FAM227A: variants seen among roughly 807,000 people sequenced by gnomAD.
FAM227A encodes the protein family with sequence similarity 227 member A.
FAM227A carries 80 observed loss-of-function variants against 74.7 expected under a neutral mutation model. The observed-to-expected ratio is 1.07, with a 90% confidence interval of 0.89 to 1.29. The LOEUF (loss-of-function observed/expected upper bound fraction) is 1.29. FAM227A is among the 50% of genes most tolerant of loss of function. FAM227A has a pLI of 0.00. For synonymous variants in FAM227A, 237 were observed against 241.8 expected (o/e 0.98, Z 0.19); for missense variants, 654 against 683.4 (o/e 0.96, Z 0.48).
intron 10 of FAM227A, 125 bp from the exon 11 acceptor site, chr22:38,620,416 T>C (rs2091662921): frequency 1.3e-5 from 9 of 706,238 alleles, no homozygotes; most frequent in Non-Finnish European, 1.9e-5. Flanking sequence ...GGTCTCTCTG[T>C]TGACTCCACC....
At chr22:38,605,448 C>A (rs1457175823) in intron 12 of FAM227A, 100 bp from the exon 13 acceptor site, 3 of 685,944 alleles carry the variant, frequency 4.4e-6, no homozygotes, top group African/African-American at 3.6e-5. Context: ...TGCCACCGCA[C>A]CCAGTTAAAT....
At chr22:38,651,238 C>T (rs1332953301) in intron 1 of FAM227A, among the ~76,000 whole-genome samples, 1 of 152,168 alleles carries the variant, frequency 6.6e-6, no homozygotes, top group Non-Finnish European at 1.5e-5. Flanking sequence ...GCCTCCTCTG[C>T]AAAGCCCAAG....
chr22:38,607,321 G>A, intron 12 of FAM227A, 68 bp downstream of exon 12: 1 of 1,244,414 alleles, frequency 8.0e-7, no homozygotes, highest in South Asian at 1.3e-5. Flanking sequence ...ACGAACCCAA[G>A]AAACCAGGGT....
chr22:38,636,314 G>T, intron 6 of FAM227A, 137 bp downstream of exon 6: 1 of 905,658 alleles, frequency 1.1e-6, no homozygotes, highest in Non-Finnish European at 1.6e-6. Context: ...TTGGGCTAGG[G>T]TTCCTAGCTC....
At chr22:38,598,344 T>C (rs993761345) in intron 14 of FAM227A, among the ~76,000 whole-genome samples, 12 of 152,194 alleles carry the variant, frequency 7.9e-5, no homozygotes, top group Admixed American at 2.0e-4. Flanking sequence ...GATAAAGATA[T>C]TGAGCTTGGA....
intron 11 of FAM227A, among the ~76,000 whole-genome samples, chr22:38,616,018 C>A (rs191127198): frequency 6.6e-6 from 1 of 152,064 alleles, no homozygotes; most frequent in Admixed American, 6.6e-5. Context: ...GGCGTATGGG[C>A]GGTATTTGAA....
intron 6 of FAM227A, among the ~76,000 whole-genome samples, chr22:38,631,269 A>G (rs1200174466): frequency 1.5e-5 from 2 of 132,270 alleles, no homozygotes; most frequent in Admixed American, 1.5e-4. Context: ...CACTATCCTA[A>G]GTGATCTAAC....
At chr22:38,611,646 C>T (rs943112685) in intron 11 of FAM227A, among the ~76,000 whole-genome samples, 2 of 152,096 alleles carry the variant, frequency 1.3e-5, no homozygotes, top group Non-Finnish European at 2.9e-5. Flanking sequence ...AGGTGCATCA[C>T]TTAGATGGAA....
intron 11 of FAM227A, among the ~76,000 whole-genome samples, chr22:38,619,417 G>C (rs1003673440): frequency 1.3e-5 from 2 of 152,118 alleles, no homozygotes; most frequent in African/African-American, 4.8e-5. Context: ...TCTGCCTCCC[G>C]GGTTCAAGCA....
At chr22:38,642,859 C>G (rs1430198709) in intron 3 of FAM227A, among the ~76,000 whole-genome samples, 1 of 152,054 alleles carries the variant, frequency 6.6e-6, no homozygotes, top group Non-Finnish European at 1.5e-5. Flanking sequence ...TCGTTTGAAC[C>G]CAGGAGGTGG....
At chr22:38,597,171 GAAC>G (rs1397952588) in intron 15 of FAM227A, 30 bp downstream of exon 15, 3 of 1,549,170 alleles carry the variant, frequency 1.9e-6, no homozygotes, top group Non-Finnish European at 2.6e-6. Context: ...GATAAGTGCG[GAAC>G]AACGGCATTC....
rs1004912902 is a variant in FAM227A, at chr22:38,579,204, A to G, written c.*6921T>C. 2.0e-5 allele frequency: 3 copies of G among 152,200 alleles called. No homozygotes were observed. Among genetic ancestry groups the G allele is most frequent in the Non-Finnish European group, 4.4e-5 (3 of 68,040 alleles). 9.4% of individuals were successfully genotyped at this position (152,200 alleles called of 1,614,324 possible). On this transcript the variant is annotated 3_prime_UTR_variant, in exon 17 of 17. Coordinates refer to ENST00000535113, the MANE Select transcript of FAM227A (RefSeq NM_001013647.2). The stretch of plus-strand genomic sequence containing the variant: ...GACATAGAGCACACTTCAGCCATTC[A>G]CTAGCTGTGTGGTCTTGGGAAAATT...
In FAM227A at chr22:38,605,265, A is replaced by G; in HGVS notation, c.1210T>C (p.Phe404Leu). 6.5e-7 allele frequency: 1 copy of G among 1,544,536 alleles called. No individual in the cohort carries two copies. Among genetic ancestry groups the G allele is most frequent in the Non-Finnish European group, 8.8e-7 (1 of 1,140,114 alleles). Residue 404 changes from phenylalanine (F) to leucine (L), a missense_variant, in exon 13 of 17, where the codon TTT becomes CTT. Transcript: ENST00000535113. ...AATCATGTGCTCACCTTTTTAGGAA[A>G]CATATTCTCACATTCTCTTGCTTCT... ...ISEARECENM[F>L]PKKSCAACKS...
chr22:38,597,064 C>G, intron 15 of FAM227A, 140 bp downstream of exon 15: 1 of 738,692 alleles, frequency 1.4e-6, no homozygotes, highest in Non-Finnish European at 2.2e-6. Flanking sequence ...AGTTTATAAT[C>G]TGACCACAAG....
intron 2 of FAM227A, among the ~76,000 whole-genome samples, chr22:38,646,248 CTTTTTTTTTTTTTT>C (rs1165890437): frequency 6.1e-5 from 5 of 82,396 alleles, no homozygotes; most frequent in South Asian, 9.0e-4. Context: ...TCCAGTATTT[CTTTTTTTTTTTTTT>C]TTTTTTTTTT....
intron 2 of FAM227A, among the ~76,000 whole-genome samples, chr22:38,648,105 T>C (rs2092269644): frequency 6.6e-6 from 1 of 152,018 alleles, no homozygotes; most frequent in Non-Finnish European, 1.5e-5. Flanking sequence ...AGAGGGTTAT[T>C]TACTGGACGA....
chr22:38,607,343 T>C, intron 12 of FAM227A, 46 bp downstream of exon 12: 1 of 1,418,476 alleles, frequency 7.0e-7, no homozygotes, highest in Non-Finnish European at 9.7e-7. Context: ...TTGGAGACAA[T>C]AACTAAGCCA....
At chr22:38,591,063 G>A (rs768409982) in intron 16 of FAM227A, among the ~76,000 whole-genome samples, 5 of 152,190 alleles carry the variant, frequency 3.3e-5, no homozygotes, top group African/African-American at 9.7e-5. Context: ...GATTACAGAC[G>A]TGAGCCACAG....
intron 14 of FAM227A, 72 bp downstream of exon 14, chr22:38,599,692 T>C: frequency 1.4e-6 from 2 of 1,423,320 alleles, no homozygotes; most frequent in Non-Finnish European, 1.9e-6. Context: ...TGCCATTCCC[T>C]GACCTTTGCT....
Sources: allele counts gnomAD v4.1 joint callset (sites outside exome capture counted in the v4.1 genomes callset), GRCh38; gene constraint gnomAD v4.1.1; transcripts MANE v1.5; gene names NCBI Gene and HGNC (gene_info 2026-07-23, HGNC 2026-07-21).